GRID2: variants seen among roughly 807,000 people sequenced by gnomAD.
GRID2 encodes glutamate receptor ionotropic, delta-2.
GRID2 carries 33 observed loss-of-function variants against 114.8 expected under a neutral mutation model. The observed-to-expected ratio is 0.29, with a 90% CI of 0.22 to 0.38. The LOEUF (loss-of-function observed/expected upper bound fraction) is 0.38, where lower values mean the gene tolerates loss of function less well. Ranked by LOEUF, GRID2 falls within the 10% of genes least tolerant of loss-of-function variation. GRID2 has a pLI of 1.00. For missense variants in GRID2, 1,184 were observed against 1,257.7 expected (o/e 0.94, Z 0.89); for synonymous variants, 505 against 449.9 (o/e 1.12, Z -1.55).
chr4:92,788,408 T>C lies in GRID2; in HGVS notation c.244+198122T>C, dbSNP rs538697370. 2.8e-4 allele frequency among the ~76,000 whole-genome samples: 43 copies of C among 151,948 alleles called. 1 individual carries two copies. In the South Asian group the frequency reaches 4.6e-3, roughly 16 times the overall value. ...TTGAAAGAAATGGGAAAGGGGAATA[T>C]AGCTAACTCTTCTTTCAAGGAGCTT... On this transcript the variant is annotated intron_variant, in intron 2 of 15. Coordinates refer to ENST00000282020, the MANE Select transcript of GRID2 (RefSeq NM_001510.4).
chr4:93,808,665 T>C (rs189441764), exon 2 of GRID2: 62 of 152,268 alleles, frequency 4.1e-4, no homozygotes, highest in Admixed American at 4.1e-3. Flanking sequence ...TCTACTGCCA[T>C]AGAGACATTC....
intron 14 of GRID2, among the ~76,000 whole-genome samples, chr4:93,647,042 A>G (rs1246957373): frequency 6.6e-6 from 1 of 152,160 alleles, no homozygotes; most frequent in Admixed American, 6.5e-5. Context: ...AACAAAATAA[A>G]TAAAAATTAC....
At chr4:92,409,284 C>T (rs113579179) in intron 1 of GRID2, among the ~76,000 whole-genome samples, 2,944 of 152,052 alleles carry the variant, frequency 0.019, 97 homozygotes, top group African/African-American at 0.068. Context: ...CCTTCTTTTC[C>T]CTTATTTCCC....
chr4:93,376,198 A>G (rs1347050383), intron 8 of GRID2, among the ~76,000 whole-genome samples: 2 of 151,934 alleles, frequency 1.3e-5, no homozygotes, highest in Non-Finnish European at 2.9e-5. Flanking sequence ...ATTTGGGGAA[A>G]CACAATTCAG....
At chr4:93,236,870 C>T (rs2149510378) in intron 7 of GRID2, among the ~76,000 whole-genome samples, 2 of 152,024 alleles carry the variant, frequency 1.3e-5, no homozygotes, top group South Asian at 4.2e-4. Flanking sequence ...AAGATTATGC[C>T]AACGATTTCT....
rs933183881 is a variant in GRID2, at chr4:92,907,643, C to T, written c.245-177352C>T. 4.6e-5 allele frequency among the ~76,000 whole-genome samples: 7 copies of T among 152,200 alleles called. No individual in the cohort carries two copies. The East Asian group carries it at 1.4e-3, about 30-fold the overall frequency. On this transcript the variant is annotated intron_variant, in intron 2 of 15. Coordinates refer to ENST00000282020, the MANE Select transcript of GRID2 (RefSeq NM_001510.4). ...CAGGCTGGTCTTGAACTCCTGACCT[C>T]AGTTGATCCGCCTGCTTCAGCCTCC...
chr4:92,630,588 A>G (rs1730757290), intron 2 of GRID2, among the ~76,000 whole-genome samples: 2 of 152,216 alleles, frequency 1.3e-5, no homozygotes, highest in South Asian at 4.1e-4. Context: ...CTATTTTCCT[A>G]TACTGTAATC....
intron 14 of GRID2, among the ~76,000 whole-genome samples, chr4:93,725,318 A>AT (rs1318252929): frequency 6.6e-6 from 1 of 152,084 alleles, no homozygotes; most frequent in South Asian, 2.1e-4. Flanking sequence ...TGAACTCATC[A>AT]TTTTTTATGG....
intron 2 of GRID2, among the ~76,000 whole-genome samples, chr4:92,668,571 T>C (rs892175072): frequency 6.6e-5 from 10 of 151,838 alleles, no homozygotes; most frequent in Admixed American, 6.6e-4. Context: ...GTGAGCCAAC[T>C]AGGTAGATTT....
At chr4:93,050,498 G>A (rs1726591141) in intron 2 of GRID2, among the ~76,000 whole-genome samples, 1 of 147,012 alleles carries the variant, frequency 6.8e-6, no homozygotes. Context: ...ACCAGACAAA[G>A]AATAATACCT....
Position 93,182,535 on chromosome 4 carries a change from CTTCAG to C in GRID2, c.736-24866_736-24862del, listed in dbSNP as rs1482670711. On this transcript the variant is annotated intron_variant, in intron 4 of 15. Coordinates refer to ENST00000282020, the MANE Select transcript of GRID2 (RefSeq NM_001510.4). ...AATATTAGATTTAACTTTCTCTCTACTTCAGTTATGTAGAAATAGTGGTTTAAAGA... is the reference window on the plus strand; with the variant it reads ...AATATTAGATTTAACTTTCTCTCTACTTATGTAGAAATAGTGGTTTAAAGA... Among the ~76,000 whole-genome samples, 3 of 152,270 alleles carry C rather than the reference CTTCAG, an allele frequency of 2.0e-5. No homozygotes were observed. The South Asian group carries it at 6.2e-4, about 32-fold the overall frequency.
intron 2 of GRID2, among the ~76,000 whole-genome samples, chr4:92,937,397 T>A (rs1479123213): frequency 6.8e-6 from 1 of 146,666 alleles, no homozygotes; most frequent in Non-Finnish European, 1.5e-5. Context: ...ACTTCATTCT[T>A]CTGTGTGTGG....
At chr4:92,821,520 T>C (rs555463547) in intron 2 of GRID2, among the ~76,000 whole-genome samples, 5 of 152,166 alleles carry the variant, frequency 3.3e-5, no homozygotes, top group Non-Finnish European at 5.9e-5. Context: ...TACTAGGTAA[T>C]TGATCTTGAT....
intron 1 of GRID2, among the ~76,000 whole-genome samples, chr4:92,521,236 ACTT>A (rs1213285509): frequency 6.6e-6 from 1 of 151,912 alleles, no homozygotes; most frequent in Non-Finnish European, 1.5e-5. Context: ...TTAATACTAC[ACTT>A]CTTATTACTA....
At chr4:93,139,140 G>A (rs759973853) in intron 4 of GRID2, among the ~76,000 whole-genome samples, 1 of 152,216 alleles carries the variant, frequency 6.6e-6, no homozygotes, top group Non-Finnish European at 1.5e-5. Context: ...AGTTTGGGCA[G>A]GGTGTAAGTA....
At chr4:93,278,708 C>A (rs1752335148) in intron 8 of GRID2, among the ~76,000 whole-genome samples, 1 of 151,800 alleles carries the variant, frequency 6.6e-6, no homozygotes, top group African/African-American at 2.4e-5. Context: ...AAGAGCTTTA[C>A]AGATATAGGA....
At chr4:92,408,724 A>G (rs913789526) in intron 1 of GRID2, among the ~76,000 whole-genome samples, 1 of 151,356 alleles carries the variant, frequency 6.6e-6, no homozygotes, top group African/African-American at 2.4e-5. Flanking sequence ...TAGGTATTTC[A>G]TTTTGTTTGT....
chr4:93,087,454 A>G (rs1730431348), intron 3 of GRID2, among the ~76,000 whole-genome samples: 1 of 152,120 alleles, frequency 6.6e-6, no homozygotes, highest in Non-Finnish European at 1.5e-5. Context: ...TAGTCAGGTA[A>G]TTTGTATAAA....
intron 1 of GRID2, among the ~76,000 whole-genome samples, chr4:92,324,525 A>G (rs957509759): frequency 4.0e-5 from 6 of 151,880 alleles, no homozygotes; most frequent in African/African-American, 1.4e-4. Context: ...ATAGCCTATA[A>G]CATGTTCTTA....
Sources: allele counts gnomAD v4.1 joint callset (sites outside exome capture counted in the v4.1 genomes callset), GRCh38; gene constraint gnomAD v4.1.1; transcripts MANE v1.5; gene names NCBI Gene and HGNC (gene_info 2026-07-23, HGNC 2026-07-21).